Variants in SAMD5 observed in about 807,000 individuals in gnomAD.
The protein encoded by SAMD5 is sterile alpha motif domain-containing protein 5.
In SAMD5, 13 loss-of-function variants were observed where a neutral mutation model predicts 11.3. The ratio of observed to expected loss-of-function variants is 1.15; its 90% CI spans 0.75 to 1.83. The LOEUF (loss-of-function observed/expected upper bound fraction) is 1.83, where lower values mean the gene tolerates loss of function less well. SAMD5 is among the 40% of genes most tolerant of loss of function. The pLI, the probability that SAMD5 is intolerant of heterozygous loss-of-function variation, is 0.00. For missense variants in SAMD5, 255 were observed against 239.1 expected (o/e 1.07, Z -0.44); for synonymous variants, 129 against 111.3 (o/e 1.16, Z -1.00).
chr6:147,638,443 C>T (rs2128452103), intron 1 of SAMD5, among the ~76,000 whole-genome samples: 1 of 152,316 alleles, frequency 6.6e-6, no homozygotes, highest in East Asian at 1.9e-4. Flanking sequence ...TCCATCCATT[C>T]TGTGAATCAC....
At chr6:147,557,221 AAAAAT>A (rs1393749380) in intron 1 of SAMD5, among the ~76,000 whole-genome samples, 1 of 152,244 alleles carries the variant, frequency 6.6e-6, no homozygotes, top group African/African-American at 2.4e-5. Flanking sequence ...TATTCTGAAT[AAAAAT>A]AAAATACTTT....
the SAMD5 span, among the ~76,000 whole-genome samples, chr6:147,906,958 A>C: frequency 1.3e-5 from 2 of 152,140 alleles, no homozygotes; most frequent in African/African-American, 4.8e-5. Flanking sequence ...TTTTCTTGTA[A>C]TAGCCAGTGC....
chr6:147,807,899 G>A, the SAMD5 span, among the ~76,000 whole-genome samples: 3 of 152,154 alleles, frequency 2.0e-5, no homozygotes, highest in Admixed American at 1.3e-4. Flanking sequence ...CACCAGACAC[G>A]TGGCTTCTGT....
At chr6:147,640,649 C>A (rs991657421) in intron 1 of SAMD5, among the ~76,000 whole-genome samples, 1 of 151,994 alleles carries the variant, frequency 6.6e-6, no homozygotes, top group Non-Finnish European at 1.5e-5. Context: ...TTAACTTCAA[C>A]ATTTACCCAA....
At chr6:147,917,471 A>G in the SAMD5 span, among the ~76,000 whole-genome samples, 7 of 151,834 alleles carry the variant, frequency 4.6e-5, no homozygotes, top group East Asian at 7.7e-4. Flanking sequence ...TTTGTCAGAT[A>G]AGTAGGTTGC....
intron 1 of SAMD5, among the ~76,000 whole-genome samples, chr6:147,635,878 A>C (rs969448426): frequency 6.6e-6 from 1 of 152,208 alleles, no homozygotes; most frequent in African/African-American, 2.4e-5. Flanking sequence ...CAGCTCAACT[A>C]TGCCAATTCA....
At chr6:147,563,081 G>T (rs1788980385) in intron 1 of SAMD5, among the ~76,000 whole-genome samples, 1 of 152,208 alleles carries the variant, frequency 6.6e-6, no homozygotes, top group Admixed American at 6.5e-5. Context: ...TCGTTACTTA[G>T]TATTACAGCA....
At chr6:147,891,043 T>C in the SAMD5 span, among the ~76,000 whole-genome samples, 4 of 152,130 alleles carry the variant, frequency 2.6e-5, no homozygotes, top group Non-Finnish European at 4.4e-5. Context: ...GTGAAAAAAA[T>C]TACAGATGAA....
chr6:147,537,124 G>A, intron 1 of SAMD5, among the ~76,000 whole-genome samples: 1 of 152,140 alleles, frequency 6.6e-6, no homozygotes, highest in East Asian at 1.9e-4. Flanking sequence ...CATATAGTAA[G>A]TCATATTAGA....
intron 1 of SAMD5, among the ~76,000 whole-genome samples, chr6:147,734,102 G>C (rs1249693768): frequency 6.6e-6 from 1 of 152,178 alleles, no homozygotes; most frequent in Non-Finnish European, 1.5e-5. Flanking sequence ...GGGATAATTG[G>C]AGAACTCTAT....
intron 1 of SAMD5, among the ~76,000 whole-genome samples, chr6:147,596,429 G>A (rs1006665395): frequency 6.6e-6 from 1 of 152,094 alleles, no homozygotes; most frequent in Non-Finnish European, 1.5e-5. Context: ...TTAGTCTGTG[G>A]TTATGGCCAT....
chr6:147,796,548 A>G, the SAMD5 span, among the ~76,000 whole-genome samples: 13,849 of 152,082 alleles, frequency 0.091, 1,092 homozygotes, highest in African/African-American at 0.21. Flanking sequence ...TTGGCGATAC[A>G]GTCTCTTTTT....
chr6:147,911,210 A>C, the SAMD5 span, among the ~76,000 whole-genome samples: 1 of 152,130 alleles, frequency 6.6e-6, no homozygotes, highest in Non-Finnish European at 1.5e-5. Flanking sequence ...CTCTCTTTGG[A>C]CCCTGCCTTA....
At chr6:147,645,135 G>A (rs1240224119) in intron 1 of SAMD5, among the ~76,000 whole-genome samples, 1 of 152,074 alleles carries the variant, frequency 6.6e-6, no homozygotes, top group African/African-American at 2.4e-5. Context: ...GGCTCCGTGG[G>A]ACTTCCAGGC....
chr6:147,894,345 A>G, the SAMD5 span, among the ~76,000 whole-genome samples: 1 of 152,058 alleles, frequency 6.6e-6, no homozygotes, highest in African/African-American at 2.4e-5. Context: ...GATGGTTTCC[A>G]TCTCCTGACC....
intron 1 of SAMD5, among the ~76,000 whole-genome samples, chr6:147,561,491 G>A (rs1788949963): frequency 6.6e-6 from 1 of 151,986 alleles, no homozygotes; most frequent in South Asian, 2.1e-4. Context: ...TGCCTGGCTG[G>A]CTTTCATGAA....
At chr6:147,703,934 C>T (rs1288688626) in intron 1 of SAMD5, among the ~76,000 whole-genome samples, 3 of 152,262 alleles carry the variant, frequency 2.0e-5, no homozygotes, top group Non-Finnish European at 4.4e-5. Flanking sequence ...CTTGCTCTGA[C>T]GCCCAGGCTG....
the SAMD5 span, among the ~76,000 whole-genome samples, chr6:147,784,595 G>A: frequency 7.2e-5 from 11 of 152,146 alleles, no homozygotes; most frequent in Admixed American, 5.2e-4. Context: ...CAATTACTGC[G>A]GTAAATTGCA....
the SAMD5 span, among the ~76,000 whole-genome samples, chr6:147,836,666 T>C: frequency 1.3e-5 from 2 of 152,200 alleles, no homozygotes; most frequent in African/African-American, 2.4e-5. Flanking sequence ...TTCTGTACCA[T>C]AGTAAAGTTG....
Sources: allele counts gnomAD v4.1 joint callset (sites outside exome capture counted in the v4.1 genomes callset), GRCh38; gene constraint gnomAD v4.1.1; transcripts MANE v1.5; gene names NCBI Gene and HGNC (gene_info 2026-07-23, HGNC 2026-07-21).